The following EPHA6 variants were observed in gnomAD, a reference collection of about 807,000 sequenced individuals.
EPHA6 encodes ephrin type-A receptor 6.
Under a neutral mutation model 112.0 loss-of-function variants are expected in EPHA6, and 50 were observed. The observed-to-expected ratio is 0.45, with a 90% confidence interval of 0.36 to 0.56. EPHA6 has a LOEUF of 0.56. Ranked by LOEUF, EPHA6 falls within the 20% of genes least tolerant of loss-of-function variation. EPHA6 has a pLI of 0.00. For missense variants in EPHA6, 1,280 were observed against 1,417.4 expected (o/e 0.90, Z 1.56); for synonymous variants, 529 against 490.7 (o/e 1.08, Z -1.03).
intron 3 of EPHA6, among the ~76,000 whole-genome samples, chr3:97,098,800 T>C (rs976354429): frequency 6.6e-6 from 1 of 151,866 alleles, no homozygotes; most frequent in African/African-American, 2.4e-5. Context: ...ATGTAATTGT[T>C]ATGCTGCTGT....
chr3:97,269,045 T>C (rs139514859), intron 5 of EPHA6, among the ~76,000 whole-genome samples: 3,147 of 152,306 alleles, frequency 0.021, 48 homozygotes, highest in Non-Finnish European at 0.029. Flanking sequence ...TTTAAATAAA[T>C]GGTTTTGTAA....
intron 3 of EPHA6, among the ~76,000 whole-genome samples, chr3:97,204,978 A>G (rs901504506): frequency 6.6e-6 from 1 of 152,138 alleles, no homozygotes; most frequent in African/African-American, 2.4e-5. Flanking sequence ...TTCCATTAAA[A>G]TTACATAGAA....
At chr3:97,286,597 G>T (rs2080472781) in intron 5 of EPHA6, among the ~76,000 whole-genome samples, 2 of 151,362 alleles carry the variant, frequency 1.3e-5, no homozygotes, top group African/African-American at 4.9e-5. Context: ...TGGTCTATGT[G>T]TTTGTCCTTA....
intron 11 of EPHA6, among the ~76,000 whole-genome samples, chr3:97,553,066 C>T (rs887879946): frequency 2.0e-5 from 3 of 152,146 alleles, no homozygotes; most frequent in Non-Finnish European, 4.4e-5. Flanking sequence ...GCCCCTACCA[C>T]AACCCATTCT....
intron 7 of EPHA6, among the ~76,000 whole-genome samples, chr3:97,451,797 C>T (rs764475057): frequency 6.6e-6 from 1 of 151,730 alleles, no homozygotes; most frequent in Non-Finnish European, 1.5e-5. Context: ...AATTTTATAG[C>T]CTTTGTTTCT....
At position 97,534,803 on chromosome 3, in the gene EPHA6, T is replaced by C. The variant is rs572826171; in HGVS notation, c.2386+2260T>C. Among the ~76,000 whole-genome samples, 16 of 152,136 alleles carry C rather than the reference T, an allele frequency of 1.1e-4. No homozygotes were observed. The East Asian group carries it at 2.9e-3, about 28-fold the overall frequency. On this transcript the variant is annotated intron_variant, in intron 11 of 17. Coordinates refer to ENST00000389672, the MANE Select transcript of EPHA6 (RefSeq NM_001080448.3). ...CAAGTTATTCCTTCTGTATTATATA[T>C]CTCTGGCAGGCAAAAGATAATTTTC...
chr3:97,393,587 TAGTG>T lies in EPHA6; in HGVS notation c.1607-11560_1607-11557del, dbSNP rs376058951. On this transcript the variant is annotated intron_variant, in intron 5 of 17. Coordinates refer to ENST00000389672, the MANE Select transcript of EPHA6 (RefSeq NM_001080448.3). Reference sequence around the variant, plus strand: ...GAATTTTCACTCTGGCAGATACAGATAGTGAGAGTTTTCTGTGCAAACGTTTTCA... The same window carrying T: ...GAATTTTCACTCTGGCAGATACAGATAGAGTTTTCTGTGCAAACGTTTTCA... Among the ~76,000 whole-genome samples, 686 of 151,936 alleles carry T rather than the reference TAGTG, an allele frequency of 4.5e-3. 7 individuals are homozygous for T. The highest frequency in any genetic ancestry group is 0.015 in the African/African-American group (640 of 41,520).
intron 3 of EPHA6, among the ~76,000 whole-genome samples, chr3:97,133,413 A>G (rs2075687751): frequency 6.6e-6 from 1 of 152,056 alleles, no homozygotes; most frequent in Admixed American, 6.6e-5. Flanking sequence ...TTTTGTTCAC[A>G]TATGCTTTGT....
At chr3:97,630,407 T>A (rs2093892855) in intron 13 of EPHA6, among the ~76,000 whole-genome samples, 1 of 152,036 alleles carries the variant, frequency 6.6e-6, no homozygotes, top group East Asian at 1.9e-4. Context: ...AGTGATTTGG[T>A]GTTTTGAAAT....
intron 3 of EPHA6, among the ~76,000 whole-genome samples, chr3:97,209,600 A>T (rs2077810694): frequency 6.6e-6 from 1 of 152,198 alleles, no homozygotes; most frequent in Non-Finnish European, 1.5e-5. Flanking sequence ...TTCTATAAAA[A>T]TGTATGCTTT....
Position 96,903,129 on chromosome 3 carries a change from T to C in EPHA6, c.450+36240T>C, listed in dbSNP as rs1265164140. ...CTGATAAAGTAGTATTTGAGCAAACTTCTAAAGAAAATGGATTCTGAGCCA... is the reference window on the plus strand; with the variant it reads ...CTGATAAAGTAGTATTTGAGCAAACCTCTAAAGAAAATGGATTCTGAGCCA... On this transcript the variant is annotated intron_variant, in intron 2 of 17. Coordinates refer to ENST00000389672, the MANE Select transcript of EPHA6 (RefSeq NM_001080448.3). 2.0e-5 allele frequency among the ~76,000 whole-genome samples: 3 copies of C among 152,296 alleles called. No homozygotes were observed. In the South Asian group the frequency reaches 6.2e-4, roughly 32 times the overall value.
At chr3:97,156,146 C>T (rs1486893769) in intron 3 of EPHA6, among the ~76,000 whole-genome samples, 1 of 152,042 alleles carries the variant, frequency 6.6e-6, no homozygotes, top group East Asian at 1.9e-4. Flanking sequence ...GAAGAATGAG[C>T]TTGGAAAATT....
intron 3 of EPHA6, among the ~76,000 whole-genome samples, chr3:97,054,163 AACAC>A (rs138411869): frequency 0.042 from 6,081 of 145,572 alleles, 229 homozygotes; most frequent in African/African-American, 0.1. Flanking sequence ...ATAACTATCT[AACAC>A]ACACACACAC....
chr3:97,101,064 C>T (rs1362294540), intron 3 of EPHA6, among the ~76,000 whole-genome samples: 1 of 151,958 alleles, frequency 6.6e-6, no homozygotes, highest in Admixed American at 6.6e-5. Flanking sequence ...CAACTTAAGG[C>T]ACATTGTCTC....
At position 97,118,287 on chromosome 3, in the gene EPHA6, C is replaced by CT. The variant is rs879291771; in HGVS notation, c.1115-107967dup. On this transcript the variant is annotated intron_variant, in intron 3 of 17. Coordinates refer to ENST00000389672, the MANE Select transcript of EPHA6 (RefSeq NM_001080448.3). ...GGACACGTGATTGAATATTATTTGTCTTTTTTTTTTCATACTTTTGCTCTC... is the reference window on the plus strand; with the variant it reads ...GGACACGTGATTGAATATTATTTGTCTTTTTTTTTTTCATACTTTTGCTCTC... Among the ~76,000 whole-genome samples the CT allele has an allele frequency of 2.9e-3, 427 of 148,508 alleles. 1 individual carries two copies. The highest frequency in any genetic ancestry group is 6.4e-3 in the African/African-American group (260 of 40,614).
chr3:97,677,091 T>TA (rs1401945935), intron 14 of EPHA6, among the ~76,000 whole-genome samples: 5 of 152,296 alleles, frequency 3.3e-5, no homozygotes, highest in African/African-American at 1.2e-4. Flanking sequence ...TCTTCATTTT[T>TA]AAAAAACTTT....
chr3:97,180,424 A>C lies in EPHA6; in HGVS notation c.1115-45840A>C, dbSNP rs561695010. 1.6e-4 allele frequency among the ~76,000 whole-genome samples: 25 copies of C among 152,086 alleles called. No individual in the cohort carries two copies. In the South Asian group the frequency reaches 5.2e-3, roughly 32 times the overall value. ...TAAGGTACAAGGCAAAGACCCCTTTACTTTTCTTTCTGCTTTCCAAGGCAG... is the reference window on the plus strand; with the variant it reads ...TAAGGTACAAGGCAAAGACCCCTTTCCTTTTCTTTCTGCTTTCCAAGGCAG... On this transcript the variant is annotated intron_variant, in intron 3 of 17. Coordinates refer to ENST00000389672, the MANE Select transcript of EPHA6 (RefSeq NM_001080448.3).
At chr3:97,465,999 G>A (rs923068718) in intron 7 of EPHA6, among the ~76,000 whole-genome samples, 1 of 150,986 alleles carries the variant, frequency 6.6e-6, no homozygotes, top group African/African-American at 2.4e-5. Context: ...TTGCATCTAT[G>A]CAATTTTTAT....
At chr3:97,017,368 A>G (rs1049446384) in intron 3 of EPHA6, among the ~76,000 whole-genome samples, 13 of 152,190 alleles carry the variant, frequency 8.5e-5, no homozygotes, top group Non-Finnish European at 1.8e-4. Context: ...AGAAAGCAAA[A>G]CCAGGCTGAA....
Sources: gnomAD v4.1 joint callset for allele counts (sites outside exome capture counted in the v4.1 genomes callset) on GRCh38, gnomAD v4.1.1 for gene constraint, MANE v1.5 for transcripts, NCBI Gene and HGNC (gene_info 2026-07-23, HGNC 2026-07-21) for gene names.